VRK3: variants seen among roughly 807,000 people sequenced by gnomAD.
VRK3 encodes VRK serine/threonine kinase 3.
A neutral mutation model predicts 60.4 loss-of-function variants in VRK3; 50 were observed. The observed-to-expected ratio is 0.83, with a 90% CI of 0.66 to 1.05. The LOEUF (loss-of-function observed/expected upper bound fraction) is 1.05, where lower values mean the gene tolerates loss of function less well. Among genes scored for constraint, VRK3 ranks in the 50% least tolerant of loss-of-function variants. The pLI, the probability that VRK3 is intolerant of heterozygous loss-of-function variation, is 0.00. For synonymous variants in VRK3, 246 were observed against 227.8 expected (o/e 1.08, Z -0.72); for missense variants, 549 against 585.3 (o/e 0.94, Z 0.64).
At chr19:50,008,110 G>A (rs530168404) in intron 4 of VRK3, among the ~76,000 whole-genome samples, 93 of 152,226 alleles carry the variant, frequency 6.1e-4, no homozygotes, top group Non-Finnish European at 9.1e-4. Context: ...ACAGATATTA[G>A]GGCCCAAAAG....
At chr19:49,988,563 C>T in intron 11 of VRK3, 71 bp from the exon 12 acceptor site, 1 of 1,561,058 alleles carries the variant, frequency 6.4e-7, no homozygotes. Flanking sequence ...CACCCCCCTT[C>T]CTTCCCCTCT....
At chr19:49,981,689 G>A (rs759273745) in intron 12 of VRK3, 1 of 997,100 alleles carries the variant, frequency 1.0e-6, no homozygotes, top group Non-Finnish European at 1.2e-6. Context: ...CTTTGATGAT[G>A]AGGAAAGATC....
chr19:50,005,947 G>T (rs1247873585), intron 5 of VRK3, among the ~76,000 whole-genome samples: 1 of 148,964 alleles, frequency 6.7e-6, no homozygotes, highest in African/African-American at 2.6e-5. Flanking sequence ...TAGTGACGAT[G>T]GTTGCATAAC....
chr19:49,990,958 ATTT>A (rs2076600541), intron 10 of VRK3, among the ~76,000 whole-genome samples: 1 of 151,574 alleles, frequency 6.6e-6, no homozygotes, highest in East Asian at 2.0e-4. Context: ...ATAGGTTATT[ATTT>A]TTTATTTTGT....
intron 13 of VRK3, among the ~76,000 whole-genome samples, chr19:49,980,523 C>G (rs1334961309): frequency 6.6e-6 from 1 of 152,050 alleles, no homozygotes; most frequent in African/African-American, 2.4e-5. Flanking sequence ...CGAGACCAGC[C>G]TGGGCAACAT....
chr19:50,003,172 C>T (rs2076837074), intron 5 of VRK3, among the ~76,000 whole-genome samples: 1 of 152,148 alleles, frequency 6.6e-6, no homozygotes, highest in Admixed American at 6.5e-5. Context: ...TCCAGGGTGC[C>T]CCATGCCTTC....
At chr19:49,999,497 GTGAATAAA>G (rs1392365055) in intron 6 of VRK3, 1 of 152,362 alleles carries the variant, frequency 6.6e-6, no homozygotes, top group Non-Finnish European at 1.5e-5. Flanking sequence ...GAAAGGCTTG[GTGAATAAA>G]TGAATAAATG....
Position 49,989,772 on chromosome 19 carries a change from C to T in VRK3, c.964-1G>A. On this transcript the variant is annotated splice_acceptor_variant, in intron 10 of 14. Transcript: ENST00000316763. LOFTEE classifies it high-confidence loss of function. ...CGAAGCCATAGCCTGCCAAAGTCAC[C>T]TGTGGACACAGGGAAAAGCCATACA... The T allele has an allele frequency of 6.2e-7, 1 of 1,609,528 alleles. No homozygotes were observed. Among genetic ancestry groups the T allele is most frequent in the Non-Finnish European group, 8.5e-7 (1 of 1,176,692 alleles).
intron 6 of VRK3, chr19:49,999,965 C>A (rs890765101): frequency 3.9e-5 from 6 of 152,246 alleles, no homozygotes; most frequent in East Asian, 1.9e-4. Flanking sequence ...GAAACACAGC[C>A]CGGCTCAGGC....
chr19:49,996,628 A>AT (rs1250837283), intron 7 of VRK3, among the ~76,000 whole-genome samples: 1 of 152,126 alleles, frequency 6.6e-6, no homozygotes, highest in Non-Finnish European at 1.5e-5. Flanking sequence ...TATTTTATAT[A>AT]TTTTTTGAGA....
intron 5 of VRK3, chr19:50,001,127 G>A: frequency 2.6e-6 from 1 of 380,510 alleles, no homozygotes; most frequent in East Asian, 5.1e-5. Flanking sequence ...TTCCGGGAGG[G>A]CTCCCAGAAT....
At chr19:49,992,650 C>T (rs954332706) in intron 10 of VRK3, among the ~76,000 whole-genome samples, 7 of 152,144 alleles carry the variant, frequency 4.6e-5, no homozygotes, top group African/African-American at 1.4e-4. Flanking sequence ...TTTAGCTAGC[C>T]TGTGGATTTC....
chr19:50,016,263 G>C, intron 2 of VRK3, 100 bp from the exon 3 acceptor site: 1 of 1,488,556 alleles, frequency 6.7e-7, no homozygotes. Context: ...GTGGCAGGAG[G>C]CACAACCAGG....
At chr19:49,980,836 A>C (rs1391889413) in intron 13 of VRK3, 119 bp downstream of exon 13, 2 of 860,806 alleles carry the variant, frequency 2.3e-6, no homozygotes, top group Non-Finnish European at 3.6e-6. Flanking sequence ...ACGTATTACA[A>C]ATGCAATTTG....
chr19:50,008,960 A>G (rs1255317756), intron 4 of VRK3: 2 of 393,856 alleles, frequency 5.1e-6, no homozygotes, highest in African/African-American at 4.1e-5. Context: ...CCACACAGAT[A>G]CCAGACTGAA....
chr19:49,988,803 C>A (rs183043736), intron 11 of VRK3, among the ~76,000 whole-genome samples: 1 of 152,190 alleles, frequency 6.6e-6, no homozygotes, highest in African/African-American at 2.4e-5. Flanking sequence ...CTTCTGAAAA[C>A]CCAGACCAGG....
intron 10 of VRK3, 126 bp downstream of exon 10, chr19:49,992,734 G>A (rs2076632658): frequency 2.6e-6 from 2 of 777,186 alleles, no homozygotes; most frequent in Non-Finnish European, 4.1e-6. Flanking sequence ...ATTTGAAGGA[G>A]CTCTTTATAT....
At chr19:49,995,121 C>A in intron 8 of VRK3, 70 bp downstream of exon 8, 3 of 1,535,630 alleles carry the variant, frequency 2.0e-6, no homozygotes, top group Middle Eastern at 3.5e-4. Flanking sequence ...GGGTCCCAGC[C>A]ATGCCTGGAG....
intron 10 of VRK3, among the ~76,000 whole-genome samples, chr19:49,992,509 C>G (rs1469713426): frequency 1.3e-5 from 2 of 152,210 alleles, no homozygotes; most frequent in Admixed American, 1.3e-4. Flanking sequence ...TGAAGAATTC[C>G]TACTTCCTTA....
Sources: gnomAD v4.1 joint callset for allele counts (sites outside exome capture counted in the v4.1 genomes callset) on GRCh38, gnomAD v4.1.1 for gene constraint, MANE v1.5 for transcripts, NCBI Gene and HGNC (gene_info 2026-07-23, HGNC 2026-07-21) for gene names.